The following PIK3C2G variants were observed in gnomAD, a reference collection of about 807,000 sequenced individuals.
PIK3C2G encodes phosphatidylinositol 3-kinase C2 domain-containing subunit gamma.
In PIK3C2G, 168 loss-of-function variants were observed where a neutral mutation model predicts 181.1. The observed-to-expected ratio is 0.93, with a 90% confidence interval of 0.82 to 1.05. The LOEUF (loss-of-function observed/expected upper bound fraction) is 1.05. PIK3C2G is among the 50% of genes least tolerant of loss of function. PIK3C2G has a pLI of 0.00. For synonymous variants in PIK3C2G, 573 were observed against 592.2 expected (o/e 0.97, Z 0.47); for missense variants, 1,869 against 1,732.8 (o/e 1.08, Z -1.40).
At chr12:18,506,694 A>G (rs2136124867) in intron 24 of PIK3C2G, among the ~76,000 whole-genome samples, 1 of 152,278 alleles carries the variant, frequency 6.6e-6, no homozygotes, top group African/African-American at 2.4e-5. Context: ...GTTTTGTTTC[A>G]TTTTCTTTAA....
At chr12:18,484,525 T>C (rs1038894445) in intron 18 of PIK3C2G, among the ~76,000 whole-genome samples, 2 of 152,322 alleles carry the variant, frequency 1.3e-5, no homozygotes, top group Middle Eastern at 3.4e-3. Flanking sequence ...TAAACACATA[T>C]TGCAGAATAC....
the PIK3C2G span, among the ~76,000 whole-genome samples, chr12:18,682,785 C>T: frequency 2.2e-4 from 33 of 152,120 alleles, no homozygotes; most frequent in African/African-American, 7.2e-4. Context: ...AATTACTCTC[C>T]AGGATATGAA....
At chr12:18,343,854 C>T (rs1939387879) in intron 10 of PIK3C2G, among the ~76,000 whole-genome samples, 1 of 151,918 alleles carries the variant, frequency 6.6e-6, no homozygotes, top group South Asian at 2.1e-4. Flanking sequence ...ACAGAGGCTT[C>T]GAGTCTATAA....
At chr12:18,661,841 A>T in the PIK3C2G span, among the ~76,000 whole-genome samples, 1 of 152,202 alleles carries the variant, frequency 6.6e-6, no homozygotes, top group Admixed American at 6.6e-5. Context: ...TATTCACAAT[A>T]GCAAAGACAA....
chr12:18,531,581 C>T (rs1943555974), intron 24 of PIK3C2G, among the ~76,000 whole-genome samples: 1 of 152,234 alleles, frequency 6.6e-6, no homozygotes, highest in African/African-American at 2.4e-5. Flanking sequence ...AATCTGTTCT[C>T]AATTCCTATG....
the PIK3C2G span, among the ~76,000 whole-genome samples, chr12:18,659,161 A>G: frequency 6.6e-6 from 1 of 152,166 alleles, no homozygotes. Flanking sequence ...CATAATTCTC[A>G]TATTATAGTT....
chr12:18,541,925 CAT>C (rs1445128800), intron 25 of PIK3C2G, among the ~76,000 whole-genome samples: 2 of 151,842 alleles, frequency 1.3e-5, no homozygotes, highest in African/African-American at 4.8e-5. Flanking sequence ...AAACTTGGCA[CAT>C]GTTACCTTTA....
chr12:18,699,958 T>C, the PIK3C2G span: 3 of 1,603,462 alleles, frequency 1.9e-6, no homozygotes, highest in Non-Finnish European at 2.6e-6. Context: ...GGTCTAAAAA[T>C]AAAATGCAGT....
intron 23 of PIK3C2G, 44 bp from the exon 24 acceptor site, chr12:18,505,248 A>AT (rs1421747849): frequency 6.7e-7 from 1 of 1,503,452 alleles, no homozygotes; most frequent in African/African-American, 1.4e-5. Context: ...GCATTTGCTC[A>AT]TTTTTTGTTG....
At chr12:18,598,208 AG>A (rs1338237113) in intron 30 of PIK3C2G, among the ~76,000 whole-genome samples, 227 of 152,066 alleles carry the variant, frequency 1.5e-3, no homozygotes, top group Non-Finnish European at 2.4e-3. Flanking sequence ...CTAAGCCAAA[AG>A]AACAAAGCTG....
At chr12:18,369,415 T>C (rs140680277) in intron 12 of PIK3C2G, among the ~76,000 whole-genome samples, 2,500 of 151,972 alleles carry the variant, frequency 0.016, 40 homozygotes, top group African/African-American at 0.054. Context: ...TATCATATAA[T>C]GATCATATAA....
chr12:18,398,858 C>G (rs1355609461), intron 15 of PIK3C2G, among the ~76,000 whole-genome samples: 1 of 152,190 alleles, frequency 6.6e-6, no homozygotes, highest in East Asian at 1.9e-4. Context: ...GATTTCTTAA[C>G]TCCGATAAAA....
At chr12:18,549,022 T>C (rs1944590260) in intron 26 of PIK3C2G, among the ~76,000 whole-genome samples, 2 of 152,048 alleles carry the variant, frequency 1.3e-5, no homozygotes, top group Non-Finnish European at 2.9e-5. Context: ...TCCAATGGAA[T>C]CATAAAATTT....
At chr12:18,365,209 A>T (rs1941555500) in intron 12 of PIK3C2G, among the ~76,000 whole-genome samples, 1 of 152,160 alleles carries the variant, frequency 6.6e-6, no homozygotes, top group Non-Finnish European at 1.5e-5. Flanking sequence ...ACTTTTCCAT[A>T]CAACATATAA....
chr12:18,306,361 G>C (rs2137341122), intron 5 of PIK3C2G, among the ~76,000 whole-genome samples: 1 of 152,076 alleles, frequency 6.6e-6, no homozygotes, highest in African/African-American at 2.4e-5. Flanking sequence ...AAAAGCCCTA[G>C]TTTTAGGATT....
intron 1 of PIK3C2G, among the ~76,000 whole-genome samples, chr12:18,274,589 T>A (rs1243259208): frequency 6.6e-6 from 1 of 151,596 alleles, no homozygotes; most frequent in Non-Finnish European, 1.5e-5. Flanking sequence ...CACTTATAGG[T>A]GGGAATTGAA....
the PIK3C2G span, chr12:18,701,428 TA>T: frequency 2.5e-5 from 40 of 1,603,948 alleles, no homozygotes; most frequent in Middle Eastern, 1.7e-4. Context: ...TCCAGAATTT[TA>T]AAAAAATCTC....
chr12:18,475,404 A>ACACACC (rs1450800197), intron 18 of PIK3C2G, among the ~76,000 whole-genome samples: 3 of 150,906 alleles, frequency 2.0e-5, no homozygotes, highest in African/African-American at 7.3e-5. Context: ...ACACACACAC[A>ACACACC]CACACCATTT....
the PIK3C2G span, among the ~76,000 whole-genome samples, chr12:18,680,945 T>G: frequency 1.3e-5 from 2 of 152,084 alleles, no homozygotes; most frequent in African/African-American, 4.8e-5. Flanking sequence ...CGATACTTGG[T>G]AATAAATTAA....
Sources: gnomAD v4.1 joint callset for allele counts (sites outside exome capture counted in the v4.1 genomes callset) on GRCh38, gnomAD v4.1.1 for gene constraint, MANE v1.5 for transcripts, NCBI Gene and HGNC (gene_info 2026-07-23, HGNC 2026-07-21) for gene names.